Variants in CERS6 observed in about 807,000 individuals in gnomAD.
The protein encoded by CERS6 is LAG1 homolog, ceramide synthase 6.
CERS6 carries 26 observed loss-of-function variants against 56.8 expected under a neutral mutation model. The observed-to-expected ratio is 0.46, with a 90% CI of 0.34 to 0.63. The LOEUF is 0.63. CERS6 is among the 30% of genes least tolerant of loss of function. The probability of loss-of-function intolerance (pLI) is 0.01; values close to 1 mark genes in which losing one functional copy is unlikely to be tolerated. For missense variants in CERS6, 415 were observed against 467.5 expected, an observed-to-expected ratio of 0.89 and a Z score of 1.04; for synonymous variants, 164 against 173.3, an observed-to-expected ratio of 0.95 and a Z score of 0.42.
Position 168,771,086 on chromosome 2 carries a change from C to T in CERS6, c.*1424C>T, listed in dbSNP as rs1304235879. ...AGGGATTATAAAACCCTTCATAAAT[C>T]AAGAAGGCCATCACTTAGAACGAAC... On this transcript the variant is annotated 3_prime_UTR_variant, in exon 10 of 10. Transcript: ENST00000305747. The T allele has an allele frequency of 6.6e-6, 1 of 152,128 alleles. No individual in the cohort carries two copies. Among genetic ancestry groups the T allele is most frequent in the African/African-American group, 2.4e-5 (1 of 41,420 alleles). 9.4% of individuals were successfully genotyped at this position (152,128 alleles called of 1,614,324 possible).
chr2:168,741,559 A>G (rs1040559598), intron 8 of CERS6, among the ~76,000 whole-genome samples: 2 of 152,170 alleles, frequency 1.3e-5, no homozygotes, highest in Admixed American at 6.5e-5. Flanking sequence ...AAGAAAGTTT[A>G]TGAATTTGTG....
chr2:168,733,615 A>G (rs1234266027), intron 8 of CERS6, among the ~76,000 whole-genome samples: 1 of 152,234 alleles, frequency 6.6e-6, no homozygotes, highest in Non-Finnish European at 1.5e-5. Context: ...CCAAATGCGT[A>G]TCTTACAGTA....
Position 168,547,524 on chromosome 2 carries a change from A to G in CERS6, c.171-72A>G, listed in dbSNP as rs559845941. 8.9e-6 allele frequency: 7 copies of G among 786,962 alleles called. No individual in the cohort carries two copies. The Admixed American group carries it at 1.7e-4, about 19-fold the overall frequency. The allele number at this position is 786,962 out of a possible 1,614,324, so 48.7% of individuals were successfully genotyped here. ...TATTGGGATAATTGAGTAATGTGTAACTGGTGGCATTAAGAATCACATAGA... is the reference window on the plus strand; with the variant it reads ...TATTGGGATAATTGAGTAATGTGTAGCTGGTGGCATTAAGAATCACATAGA... On this transcript the variant is annotated intron_variant, in intron 1 of 9. Transcript: ENST00000305747.
intron 3 of CERS6, among the ~76,000 whole-genome samples, chr2:168,581,694 G>A (rs986039169): frequency 6.6e-6 from 1 of 152,004 alleles, no homozygotes; most frequent in African/African-American, 2.4e-5. Context: ...TTTTTATGTG[G>A]TCTTTTATTT....
At chr2:168,654,404 A>G (rs1039135733) in intron 4 of CERS6, among the ~76,000 whole-genome samples, 3 of 152,108 alleles carry the variant, frequency 2.0e-5, no homozygotes, top group Middle Eastern at 3.2e-3. Flanking sequence ...TTAGCTGGGC[A>G]TGGTAGTGTG....
At chr2:168,556,498 C>G (rs1373280623) in intron 2 of CERS6, among the ~76,000 whole-genome samples, 1 of 152,118 alleles carries the variant, frequency 6.6e-6, no homozygotes, top group Admixed American at 6.5e-5. Flanking sequence ...AAACTTGCCC[C>G]TTACTTTCTA....
At chr2:168,677,516 A>T (rs961094669) in intron 4 of CERS6, among the ~76,000 whole-genome samples, 70 of 151,966 alleles carry the variant, frequency 4.6e-4, no homozygotes, top group Non-Finnish European at 7.2e-4. Flanking sequence ...ATTTTTTATG[A>T]GACGGAGTTT....
intron 8 of CERS6, among the ~76,000 whole-genome samples, chr2:168,730,903 T>C (rs552154753): frequency 6.6e-6 from 1 of 152,218 alleles, no homozygotes; most frequent in Middle Eastern, 3.4e-3. Flanking sequence ...TATGAAGAAA[T>C]GTAGAATCTA....
chr2:168,743,986 C>CTTTTTTT (rs1559076871), intron 8 of CERS6, among the ~76,000 whole-genome samples: 1 of 59,698 alleles, frequency 1.7e-5, no homozygotes, highest in East Asian at 4.8e-4. Flanking sequence ...TTTCTTTTTT[C>CTTTTTTT]TTTTTTTTCT....
chr2:168,572,615 T>C (rs1352555460), intron 3 of CERS6, among the ~76,000 whole-genome samples: 1 of 152,106 alleles, frequency 6.6e-6, no homozygotes, highest in Non-Finnish European at 1.5e-5. Context: ...GGGGGCAGTT[T>C]GGTCTTTTAT....
At chr2:168,476,748 GA>G (rs1000088248) in intron 1 of CERS6, among the ~76,000 whole-genome samples, 6 of 152,094 alleles carry the variant, frequency 3.9e-5, no homozygotes, top group African/African-American at 1.4e-4. Flanking sequence ...AGCTCCAGGA[GA>G]GACAGGAAAT....
intron 4 of CERS6, among the ~76,000 whole-genome samples, chr2:168,650,348 C>T (rs1442810180): frequency 1.3e-5 from 2 of 152,146 alleles, no homozygotes; most frequent in African/African-American, 4.8e-5. Context: ...AAAGGTGGCT[C>T]CACTCTGTTA....
At chr2:168,607,126 T>C (rs1270787423) in intron 3 of CERS6, among the ~76,000 whole-genome samples, 1 of 152,126 alleles carries the variant, frequency 6.6e-6, no homozygotes, top group Non-Finnish European at 1.5e-5. Context: ...AATGGTTATA[T>C]TTTACATTTT....
At chr2:168,657,771 A>T in intron 4 of CERS6, among the ~76,000 whole-genome samples, 1 of 152,210 alleles carries the variant, frequency 6.6e-6, no homozygotes, top group Non-Finnish European at 1.5e-5. Flanking sequence ...CCGGAACTCC[A>T]GCTGGCCCGC....
intron 4 of CERS6, among the ~76,000 whole-genome samples, chr2:168,641,540 T>G (rs778299387): frequency 6.6e-6 from 1 of 152,128 alleles, no homozygotes; most frequent in Non-Finnish European, 1.5e-5. Flanking sequence ...CGTCCTCACC[T>G]TTACCTAAAA....
intron 4 of CERS6, among the ~76,000 whole-genome samples, chr2:168,669,828 A>T (rs1252675259): frequency 5.3e-5 from 8 of 152,216 alleles, no homozygotes. Flanking sequence ...ATATCTTAAC[A>T]TACACGACTG....
At chr2:168,645,138 TATATAGAGAGAGAGAG>T (rs1472273836) in intron 4 of CERS6, among the ~76,000 whole-genome samples, 5 of 30,030 alleles carry the variant, frequency 1.7e-4, no homozygotes, top group African/African-American at 4.9e-4. Flanking sequence ...TATATATATA[TATATAGAGAGAGAGAG>T]AGAGAGAGAG....
intron 6 of CERS6, among the ~76,000 whole-genome samples, chr2:168,711,854 A>G (rs1307522053): frequency 1.3e-5 from 2 of 152,148 alleles, no homozygotes; most frequent in Non-Finnish European, 2.9e-5. Context: ...CAAGACACCT[A>G]TATTTTTCAG....
chr2:168,566,776 T>C (rs1169622348), intron 3 of CERS6, among the ~76,000 whole-genome samples: 1 of 146,322 alleles, frequency 6.8e-6, no homozygotes, highest in East Asian at 2.0e-4. Context: ...GTTCAACATG[T>C]TTTCATAAAC....
Sources: allele counts gnomAD v4.1 joint callset (sites outside exome capture counted in the v4.1 genomes callset), GRCh38; gene constraint gnomAD v4.1.1; transcripts MANE v1.5; gene names NCBI Gene and HGNC (gene_info 2026-07-23, HGNC 2026-07-21).